Variants in HPSE2 observed in about 807,000 individuals in gnomAD.
The protein encoded by HPSE2 is inactive heparanase-2.
Under a neutral mutation model 60.5 loss-of-function variants are expected in HPSE2, and 38 were observed. That is an observed-to-expected ratio of 0.63 (90% CI 0.48 to 0.82). The LOEUF (loss-of-function observed/expected upper bound fraction) is 0.82, where lower values mean the gene tolerates loss of function less well. Among genes scored for constraint, HPSE2 ranks in the 40% least tolerant of loss-of-function variants. HPSE2 has a pLI of 0.00. For synonymous variants in HPSE2, 295 were observed against 293.2 expected (o/e 1.01, Z -0.06); for missense variants, 713 against 740.4 (o/e 0.96, Z 0.43).
At chr10:98,597,528 G>A (rs970021036) in intron 9 of HPSE2, among the ~76,000 whole-genome samples, 23 of 151,614 alleles carry the variant, frequency 1.5e-4, no homozygotes, top group East Asian at 9.7e-4. Flanking sequence ...AAAAATAGCC[G>A]GATGTGGTGG....
chr10:99,118,438 G>C (rs528117694), intron 3 of HPSE2, among the ~76,000 whole-genome samples: 1 of 149,198 alleles, frequency 6.7e-6, no homozygotes, highest in South Asian at 2.1e-4. Flanking sequence ...CAGGAGAATG[G>C]CATGAACCCA....
chr10:98,697,488 CT>C (rs1948257854), intron 5 of HPSE2, among the ~76,000 whole-genome samples: 1 of 152,108 alleles, frequency 6.6e-6, no homozygotes, highest in African/African-American at 2.4e-5. Context: ...AACAAACCCT[CT>C]GGGAAATATG....
intron 5 of HPSE2, among the ~76,000 whole-genome samples, chr10:98,715,083 C>G (rs1396845241): frequency 2.0e-5 from 3 of 151,720 alleles, no homozygotes; most frequent in Non-Finnish European, 2.9e-5. Flanking sequence ...TTCTGGATAC[C>G]ATTCTCTTAT....
At chr10:99,144,970 C>G (rs529598996) in intron 2 of HPSE2, among the ~76,000 whole-genome samples, 2 of 152,272 alleles carry the variant, frequency 1.3e-5, no homozygotes, top group African/African-American at 4.8e-5. Context: ...TAGTTTAATT[C>G]TGACTTAATA....
chr10:98,746,605 G>T (rs1028316112), intron 3 of HPSE2, among the ~76,000 whole-genome samples: 1 of 151,960 alleles, frequency 6.6e-6, no homozygotes, highest in African/African-American at 2.4e-5. Context: ...AGGAAATGAT[G>T]AAATTAATTT....
At chr10:98,686,921 G>A (rs1050323999) in intron 6 of HPSE2, among the ~76,000 whole-genome samples, 10 of 151,786 alleles carry the variant, frequency 6.6e-5, no homozygotes, top group African/African-American at 2.4e-4. Context: ...AATGTGAATT[G>A]TCAGTCTGTT....
intron 6 of HPSE2, among the ~76,000 whole-genome samples, chr10:98,652,692 T>G: frequency 6.6e-6 from 1 of 152,236 alleles, no homozygotes; most frequent in East Asian, 1.9e-4. Context: ...ATGACTGGTC[T>G]TTGGAGACCT....
chr10:98,621,170 C>T (rs553706994), intron 7 of HPSE2, among the ~76,000 whole-genome samples: 58 of 152,150 alleles, frequency 3.8e-4, no homozygotes, highest in African/African-American at 6.0e-4. Context: ...AGAGAATGCT[C>T]GTGGGAGATT....
chr10:98,828,130 C>A (rs1450237287), intron 3 of HPSE2, among the ~76,000 whole-genome samples: 1 of 151,612 alleles, frequency 6.6e-6, no homozygotes, highest in African/African-American at 2.4e-5. Context: ...TCATATAAGC[C>A]AATTCCTTAA....
chr10:99,123,817 T>G (rs768128958), intron 3 of HPSE2, among the ~76,000 whole-genome samples: 3 of 152,114 alleles, frequency 2.0e-5, no homozygotes, highest in Non-Finnish European at 4.4e-5. Context: ...CTGTCAAGTT[T>G]GCAGCCCTCA....
At chr10:98,544,604 G>A (rs911059827) in intron 9 of HPSE2, among the ~76,000 whole-genome samples, 41 of 150,236 alleles carry the variant, frequency 2.7e-4, no homozygotes, top group Non-Finnish European at 5.0e-4. Context: ...TCCCAGCTAC[G>A]CGGGAGGCTG....
intron 9 of HPSE2, among the ~76,000 whole-genome samples, chr10:98,501,498 A>C (rs1172147846): frequency 6.6e-6 from 1 of 152,186 alleles, no homozygotes; most frequent in Non-Finnish European, 1.5e-5. Flanking sequence ...AAAATCCAGC[A>C]TCTCTTTATG....
chr10:99,220,793 G>A (rs1349756290), intron 2 of HPSE2, among the ~76,000 whole-genome samples: 1 of 145,872 alleles, frequency 6.9e-6, no homozygotes, highest in African/African-American at 2.5e-5. Context: ...TGGCAACAGA[G>A]TGAGACTCCG....
intron 3 of HPSE2, among the ~76,000 whole-genome samples, chr10:98,771,403 A>C (rs886587112): frequency 2.0e-5 from 3 of 152,054 alleles, no homozygotes; most frequent in Non-Finnish European, 4.4e-5. Flanking sequence ...TTTAGTGACC[A>C]CCCTTCCCTA....
At chr10:99,013,849 T>C (rs1468406155) in intron 3 of HPSE2, 2 of 321,856 alleles carry the variant, frequency 6.2e-6, no homozygotes, top group East Asian at 9.3e-5. Context: ...CACAGAAAAC[T>C]GTTAAAGGAT....
At chr10:98,611,638 G>A (rs1486871200) in intron 9 of HPSE2, among the ~76,000 whole-genome samples, 1 of 152,110 alleles carries the variant, frequency 6.6e-6, no homozygotes, top group Admixed American at 6.5e-5. Context: ...CACATTCCAG[G>A]GGCCTGCTGG....
At chr10:99,028,512 A>G (rs1957427961) in intron 3 of HPSE2, among the ~76,000 whole-genome samples, 1 of 152,224 alleles carries the variant, frequency 6.6e-6, no homozygotes, top group Non-Finnish European at 1.5e-5. Flanking sequence ...AAAATATTCC[A>G]TATTTATGGA....
Position 98,738,714 on chromosome 10 carries a change from T to G in HPSE2, c.784+5169A>C, listed in dbSNP as rs570571573. Among the ~76,000 whole-genome samples the G allele has an allele frequency of 4.6e-5, 7 of 152,214 alleles. No homozygotes were observed. The South Asian group carries it at 1.4e-3, about 32-fold the overall frequency. On this transcript the variant is annotated intron_variant, in intron 4 of 11. Transcript: ENST00000370552. ...GACATTTATGCAGCCAACAAAGATA[T>G]GAAAAAACGCTCATCATCAGTGGTC... is the stretch of plus-strand genomic sequence containing the variant.
At chr10:98,643,232 A>G (rs1213235735) in intron 6 of HPSE2, among the ~76,000 whole-genome samples, 1 of 152,210 alleles carries the variant, frequency 6.6e-6, no homozygotes, top group Non-Finnish European at 1.5e-5. Context: ...CGTAGTCTCT[A>G]TGGGCCTCAG....
Sources: allele counts gnomAD v4.1 joint callset (sites outside exome capture counted in the v4.1 genomes callset), GRCh38; gene constraint gnomAD v4.1.1; transcripts MANE v1.5; gene names NCBI Gene and HGNC (gene_info 2026-07-23, HGNC 2026-07-21).